RORA: variants seen among roughly 807,000 people sequenced by gnomAD.
RORA encodes RAR related orphan receptor A.
RORA carries 7 observed loss-of-function variants against 69.5 expected under a neutral mutation model. That is an observed-to-expected ratio of 0.10 (90% confidence interval 0.06 to 0.19). The LOEUF is 0.19. RORA is among the 10% of genes least tolerant of loss of function. RORA has a pLI of 1.00. For missense variants in RORA, 457 were observed against 663.0 expected (o/e 0.69, Z 3.41); for synonymous variants, 261 against 240.8 (o/e 1.08, Z -0.78).
rs573943891 is a variant in RORA at position 60,858,482 on chromosome 15, G to A, written c.167-179796C>T. On this transcript the variant is annotated intron_variant, in intron 1 of 10. Coordinates refer to ENST00000335670, the MANE Select transcript of RORA (RefSeq NM_134261.3). ...GTTTGGACTCACCCAGTATGGTTCAGAAGGTCTGATGGGTCAGTGATGAGC... is the reference window on the plus strand; with the variant it reads ...GTTTGGACTCACCCAGTATGGTTCAAAAGGTCTGATGGGTCAGTGATGAGC... Among the ~76,000 whole-genome samples the A allele has an allele frequency of 1.4e-3, 215 of 152,156 alleles. 1 individual carries two copies. Among genetic ancestry groups the A allele is most frequent in the Non-Finnish European group, 3.8e-4 (26 of 68,010 alleles).
chr15:61,229,249 T>G lies in RORA; in HGVS notation c.-31A>C, dbSNP rs1596088937. ...TTCCCAATGTAGAGATCGCTGGAGATGGCGAGCTCCGAGACTCCCTCTATC... is the reference window on the plus strand; with the variant it reads ...TTCCCAATGTAGAGATCGCTGGAGAGGGCGAGCTCCGAGACTCCCTCTATC... On this transcript the variant is annotated 5_prime_UTR_variant, in exon 1 of 11. Coordinates refer to ENST00000335670, the MANE Select transcript of RORA (RefSeq NM_134261.3). The G allele has an allele frequency of 1.6e-6, 2 of 1,248,106 alleles. No homozygotes were observed. Among genetic ancestry groups the G allele is most frequent in the Non-Finnish European group, 2.0e-6 (2 of 986,116 alleles). 77.3% of individuals were successfully genotyped at this position (1,248,106 alleles called of 1,614,324 possible). A position where few individuals can be genotyped will look rare whatever the true frequency, so the allele number is the denominator to read the frequency against.
At chr15:60,859,704 G>A (rs911828190) in intron 1 of RORA, among the ~76,000 whole-genome samples, 3 of 117,724 alleles carry the variant, frequency 2.5e-5, no homozygotes, top group African/African-American at 9.8e-5. Flanking sequence ...TGTCTAGGCT[G>A]TAAATTTTCA....
Position 60,501,020 on chromosome 15 carries a change from A to G in RORA, c.1233T>C (p.Cys411=). The G allele has an allele frequency of 6.2e-7, 1 of 1,611,550 alleles. No homozygotes were observed. Among genetic ancestry groups the G allele is most frequent in the South Asian group, 1.1e-5 (1 of 90,972 alleles). Residue 411 remains cysteine, a synonymous_variant, in exon 9 of 11, where the codon TGT becomes TGC. Coordinates refer to ENST00000335670, the MANE Select transcript of RORA (RefSeq NM_134261.3). ...TTTCATCTTCAGTCAGGTGCATAGAACATAAACTCTTTCCAAATTCAAACA... is the reference window on the plus strand; with the variant it reads ...TTTCATCTTCAGTCAGGTGCATAGAGCATAAACTCTTTCCAAATTCAAACA... The part of the protein sequence containing the change: ...SFVFEFGKSL[C]SMHLTEDEIA...
chr15:61,030,469 A>C (rs908334430), intron 1 of RORA, among the ~76,000 whole-genome samples: 1 of 152,318 alleles, frequency 6.6e-6, no homozygotes, highest in African/African-American at 2.4e-5. Flanking sequence ...ACTTTTCTGT[A>C]AGCCAGTGGG....
At chr15:60,842,319 A>G (rs1199737273) in intron 1 of RORA, among the ~76,000 whole-genome samples, 4 of 152,194 alleles carry the variant, frequency 2.6e-5, no homozygotes, top group African/African-American at 9.7e-5. Context: ...CATGGGCTGC[A>G]GGATAAAGTC....
At chr15:60,829,625 A>G (rs1331544121) in intron 1 of RORA, among the ~76,000 whole-genome samples, 2 of 152,176 alleles carry the variant, frequency 1.3e-5, no homozygotes, top group Non-Finnish European at 2.9e-5. Context: ...AGAGTTTGTC[A>G]GTTCTTCCAT....
intron 1 of RORA, among the ~76,000 whole-genome samples, chr15:61,111,832 GA>G (rs1455685088): frequency 6.6e-6 from 1 of 152,174 alleles, no homozygotes; most frequent in Non-Finnish European, 1.5e-5. Context: ...TATTCATTAA[GA>G]AAATTCTTCC....
intron 1 of RORA, among the ~76,000 whole-genome samples, chr15:61,047,915 A>C (rs1897109158): frequency 6.6e-6 from 1 of 152,182 alleles, no homozygotes; most frequent in South Asian, 2.1e-4. Flanking sequence ...CGACAGAACC[A>C]TCCAAACCAA....
chr15:60,634,075 T>G (rs941494181), intron 2 of RORA, among the ~76,000 whole-genome samples: 5 of 152,070 alleles, frequency 3.3e-5, no homozygotes, highest in Non-Finnish European at 7.4e-5. Flanking sequence ...TGTTAGTATA[T>G]TCTTTAGAAA....
chr15:60,635,823 TGC>T (rs2069826884), intron 2 of RORA, among the ~76,000 whole-genome samples: 1 of 152,162 alleles, frequency 6.6e-6, no homozygotes, highest in African/African-American at 2.4e-5. Flanking sequence ...CTAAAAAAAA[TGC>T]TGCACTCTTG....
intron 1 of RORA, among the ~76,000 whole-genome samples, chr15:60,838,963 A>T (rs987251420): frequency 1.3e-5 from 2 of 149,082 alleles, no homozygotes; most frequent in African/African-American, 5.0e-5. Context: ...ATCTCTCCTC[A>T]CTGCAAGCTC....
chr15:60,864,815 C>G (rs1247599512), intron 1 of RORA, among the ~76,000 whole-genome samples: 2 of 152,154 alleles, frequency 1.3e-5, no homozygotes, highest in African/African-American at 4.8e-5. Context: ...GGCCTTTGTG[C>G]TATGTGCTTT....
At chr15:60,912,428 A>T (rs547543782) in intron 1 of RORA, among the ~76,000 whole-genome samples, 2 of 151,452 alleles carry the variant, frequency 1.3e-5, no homozygotes, top group South Asian at 4.2e-4. Flanking sequence ...CATGCCTCAA[A>T]AAAACAAAAC....
rs552014387 is a variant in RORA, at chr15:60,623,769, G to A, written c.196+54888C>T. Among the ~76,000 whole-genome samples the A allele has an allele frequency of 3.9e-5, 6 of 152,292 alleles. No homozygotes were observed. In the East Asian group the frequency reaches 9.6e-4, roughly 24 times the overall value. Reference sequence around the variant, plus strand: ...CCAGTAAGTTTACTTTTATTTTGATGTTCAGTGTTATTTAGGTATTAAATA... The same window carrying A: ...CCAGTAAGTTTACTTTTATTTTGATATTCAGTGTTATTTAGGTATTAAATA... On this transcript the variant is annotated intron_variant, in intron 2 of 10. Coordinates refer to ENST00000335670, the MANE Select transcript of RORA (RefSeq NM_134261.3).
chr15:61,002,914 G>A (rs1038449408), intron 1 of RORA, among the ~76,000 whole-genome samples: 4 of 150,446 alleles, frequency 2.7e-5, no homozygotes, highest in South Asian at 4.2e-4. Flanking sequence ...GGCAGATTAC[G>A]AGGTCAGGAG....
intron 1 of RORA, among the ~76,000 whole-genome samples, chr15:60,976,433 A>G (rs1307596520): frequency 2.0e-5 from 3 of 152,228 alleles, no homozygotes; most frequent in Admixed American, 2.0e-4. Context: ...GTCTTTAGGC[A>G]AATGCAGACC....
At chr15:60,683,647 T>TATACACACAC (rs112760370) in intron 1 of RORA, among the ~76,000 whole-genome samples, 1 of 148,624 alleles carries the variant, frequency 6.7e-6, no homozygotes, top group Non-Finnish European at 1.5e-5. Flanking sequence ...CAGATACACA[T>TATACACACAC]ACACACACAC....
intron 1 of RORA, among the ~76,000 whole-genome samples, chr15:61,218,690 A>ACACACACACG (rs1555421373): frequency 1.6e-3 from 236 of 151,798 alleles, no homozygotes; most frequent in African/African-American, 5.7e-3. Context: ...ACACACACAC[A>ACACACACACG]CACACACACA....
chr15:60,591,603 T>C (rs1234755662), intron 2 of RORA, among the ~76,000 whole-genome samples: 3 of 151,444 alleles, frequency 2.0e-5, no homozygotes, highest in African/African-American at 4.9e-5. Context: ...CCCGCGCCCG[T>C]CGGCCCTCAC....
Sources: allele counts gnomAD v4.1 joint callset (sites outside exome capture counted in the v4.1 genomes callset), GRCh38; gene constraint gnomAD v4.1.1; transcripts MANE v1.5; gene names NCBI Gene and HGNC (gene_info 2026-07-23, HGNC 2026-07-21).